Variants in DAB1 observed in about 807,000 individuals in gnomAD.
DAB1 encodes disabled homolog 1.
In DAB1, 15 loss-of-function variants were observed where a neutral mutation model predicts 64.6. The ratio of observed to expected loss-of-function variants is 0.23; its 90% CI spans 0.16 to 0.36. DAB1 has a LOEUF of 0.36. Ranked by LOEUF, DAB1 falls within the 10% of genes least tolerant of loss-of-function variation. The pLI is 1.00. For missense variants in DAB1, 596 were observed against 706.7 expected, an observed-to-expected ratio of 0.84 and a Z score of 1.78; for synonymous variants, 235 against 251.9, an observed-to-expected ratio of 0.93 and a Z score of 0.64.
intron 1 of DAB1, among the ~76,000 whole-genome samples, chr1:57,390,841 CCAGGTCATT>C (rs1315397825): frequency 6.6e-6 from 1 of 152,166 alleles, no homozygotes; most frequent in Non-Finnish European, 1.5e-5. Flanking sequence ...TACTATGATC[CCAGGTCATT>C]CTAAGGTGGA....
intron 4 of DAB1, among the ~76,000 whole-genome samples, chr1:58,338,687 G>A (rs1343722688): frequency 6.6e-6 from 1 of 152,122 alleles, no homozygotes; most frequent in Non-Finnish European, 1.5e-5. Context: ...AAAATCTAGT[G>A]TGAACAAACA....
intron 4 of DAB1, among the ~76,000 whole-genome samples, chr1:58,256,975 ATTG>A (rs1660947290): frequency 6.6e-6 from 1 of 152,310 alleles, no homozygotes; most frequent in East Asian, 1.9e-4. Context: ...TGAAATTTTT[ATTG>A]TTATTAAACA....
At chr1:57,419,472 G>A (rs1401456742) in intron 1 of DAB1, among the ~76,000 whole-genome samples, 1 of 145,992 alleles carries the variant, frequency 6.8e-6, no homozygotes, top group African/African-American at 2.6e-5. Context: ...GAGCCAAAAT[G>A]TGTAAGGAAA....
intron 1 of DAB1, among the ~76,000 whole-genome samples, chr1:57,344,255 A>T (rs559888360): frequency 6.6e-6 from 1 of 152,256 alleles, no homozygotes; most frequent in East Asian, 1.9e-4. Context: ...CATCTGATTC[A>T]TTTTGTAACC....
intron 3 of DAB1, among the ~76,000 whole-genome samples, chr1:58,414,777 T>C (rs1353764196): frequency 6.7e-6 from 1 of 150,028 alleles, no homozygotes; most frequent in Non-Finnish European, 1.5e-5. Flanking sequence ...AGCAAAAAAA[T>C]TAAAAAAAAA....
intron 1 of DAB1, among the ~76,000 whole-genome samples, chr1:57,397,734 G>A (rs1682928367): frequency 6.6e-6 from 1 of 152,216 alleles, no homozygotes; most frequent in South Asian, 2.1e-4. Flanking sequence ...GGCATCCTGA[G>A]TAGCCTACTG....
At chr1:57,368,606 C>G (rs944918512) in intron 1 of DAB1, among the ~76,000 whole-genome samples, 6 of 152,128 alleles carry the variant, frequency 3.9e-5, no homozygotes, top group African/African-American at 1.4e-4. Flanking sequence ...AGAAGGGCCT[C>G]CTCTCTGGTG....
At chr1:57,593,773 T>C (rs1381223690) in intron 7 of DAB1, among the ~76,000 whole-genome samples, 1 of 152,234 alleles carries the variant, frequency 6.6e-6, no homozygotes, top group Non-Finnish European at 1.5e-5. Flanking sequence ...ACTTTACTTC[T>C]GTAAGGTCAG....
At chr1:58,383,826 A>T (rs1311496825) in intron 3 of DAB1, among the ~76,000 whole-genome samples, 2 of 152,200 alleles carry the variant, frequency 1.3e-5, no homozygotes, top group Admixed American at 6.5e-5. Flanking sequence ...ATTGTGGATA[A>T]TGCTGCAATG....
intron 6 of DAB1, among the ~76,000 whole-genome samples, chr1:57,781,741 T>A (rs538032897): frequency 6.6e-6 from 1 of 150,532 alleles, no homozygotes; most frequent in South Asian, 2.1e-4. Context: ...GCAAAACTGT[T>A]GTGGGTAATT....
rs146747764 is a variant in DAB1, at chr1:57,095,920, T to C, written c.307-23506A>G. Among the ~76,000 whole-genome samples the C allele has an allele frequency of 3.3e-3, 505 of 152,282 alleles. 1 individual carries two copies. The highest frequency in any genetic ancestry group is 0.012 in the African/African-American group (483 of 41,552). On this transcript the variant is annotated intron_variant, in intron 4 of 14. Transcript: ENST00000371236. ...TTATTGCAAATATGAGAAAGAATAA[T>C]GCTTCCCATCAAAATAAATATGGCA...
chr1:57,112,414 T>C (rs1372582163), intron 4 of DAB1, among the ~76,000 whole-genome samples: 2 of 152,174 alleles, frequency 1.3e-5, no homozygotes, highest in Non-Finnish European at 2.9e-5. Context: ...ATCACCAAGA[T>C]GGGGCAGTCC....
At chr1:58,151,572 T>C (rs75196141) in intron 4 of DAB1, among the ~76,000 whole-genome samples, 1,644 of 152,300 alleles carry the variant, frequency 0.011, 32 homozygotes, top group African/African-American at 0.038. Flanking sequence ...TCTTGAAAAT[T>C]TGTAAACAAG....
At chr1:57,646,940 C>T (rs1646198774) in intron 7 of DAB1, among the ~76,000 whole-genome samples, 1 of 152,174 alleles carries the variant, frequency 6.6e-6, no homozygotes, top group Non-Finnish European at 1.5e-5. Flanking sequence ...TCAAGTAGCA[C>T]CCTTTCTCAG....
At chr1:57,427,101 G>C (rs1284083070), upstream of DAB1, among the ~76,000 whole-genome samples, 2 of 152,048 alleles carry the variant, frequency 1.3e-5, no homozygotes, top group African/African-American at 2.4e-5. Context: ...CTGACCTCAT[G>C]ATCCACCCGC....
chr1:57,911,883 TC>T (rs948598741), intron 5 of DAB1, among the ~76,000 whole-genome samples: 20 of 152,164 alleles, frequency 1.3e-4, no homozygotes, highest in South Asian at 4.1e-4. Context: ...CACTTACTAA[TC>T]TCTGCTTCAC....
chr1:57,244,505 A>G (rs1668722031), intron 2 of DAB1, among the ~76,000 whole-genome samples: 1 of 152,214 alleles, frequency 6.6e-6, no homozygotes, highest in African/African-American at 2.4e-5. Flanking sequence ...AGGAACAGAC[A>G]AGAACAAGGA....
chr1:57,146,301 G>A (rs1002907091), intron 2 of DAB1, among the ~76,000 whole-genome samples: 4 of 152,172 alleles, frequency 2.6e-5, no homozygotes, highest in African/African-American at 9.7e-5. Flanking sequence ...TGAATACATA[G>A]GAATTCAAAC....
chr1:57,310,937 G>A (rs531477610), intron 1 of DAB1, among the ~76,000 whole-genome samples: 116 of 152,092 alleles, frequency 7.6e-4, no homozygotes, highest in Middle Eastern at 3.4e-3. Context: ...TTGAGGCTGC[G>A]CTGAGTGATG....
Sources: gnomAD v4.1 joint callset for allele counts (sites outside exome capture counted in the v4.1 genomes callset) on GRCh38, gnomAD v4.1.1 for gene constraint, MANE v1.5 for transcripts, NCBI Gene and HGNC (gene_info 2026-07-23, HGNC 2026-07-21) for gene names.